Variants in CCDC178 observed in about 807,000 individuals in gnomAD.
CCDC178 encodes coiled-coil domain-containing protein 178.
A neutral mutation model predicts 117.4 loss-of-function variants in CCDC178; 126 were observed. The ratio of observed to expected loss-of-function variants is 1.07; its 90% CI spans 0.93 to 1.24. The LOEUF (loss-of-function observed/expected upper bound fraction) is 1.24. Among genes scored for constraint, CCDC178 ranks in the 50% most tolerant of loss-of-function variants. The probability of loss-of-function intolerance (pLI) is 0.00; values close to 1 mark genes in which losing one functional copy is unlikely to be tolerated. For missense variants in CCDC178, 1,030 were observed against 986.9 expected (o/e 1.04, Z -0.59); for synonymous variants, 283 against 313.4 (o/e 0.90, Z 1.02).
intron 20 of CCDC178, among the ~76,000 whole-genome samples, chr18:33,168,329 G>A (rs2058557670): frequency 6.6e-6 from 1 of 152,026 alleles, no homozygotes; most frequent in Non-Finnish European, 1.5e-5. Context: ...AGCACCATTT[G>A]TTGAATAGAG....
intron 11 of CCDC178, among the ~76,000 whole-genome samples, chr18:33,320,008 T>C (rs966987646): frequency 5.3e-5 from 8 of 152,152 alleles, no homozygotes; most frequent in African/African-American, 1.9e-4. Context: ...ATTATCTCAA[T>C]AGATGCAGAA....
Position 33,397,148 on chromosome 18 carries a change from C to A in CCDC178, c.118+1G>T. On this transcript the variant is annotated splice_donor_variant, in intron 4 of 22. Transcript: ENST00000383096. LOFTEE classifies it high-confidence loss of function. ...AATTATATATAATAGCTGTTGGATA[C>A]CTTCATTTGTCCTTGACCATGCCTT... 3 of 1,583,318 alleles carry A rather than the reference C, an allele frequency of 1.9e-6. No individual in the cohort carries two copies. Among genetic ancestry groups the A allele is most frequent in the Non-Finnish European group, 2.6e-6 (3 of 1,154,684 alleles).
intron 21 of CCDC178, among the ~76,000 whole-genome samples, chr18:33,032,526 T>C (rs1289263575): frequency 1.3e-5 from 2 of 152,112 alleles, no homozygotes; most frequent in African/African-American, 4.8e-5. Flanking sequence ...TTGCATTTTC[T>C]TGTATGTTTG....
At chr18:33,298,895 A>C (rs905066228) in intron 11 of CCDC178, among the ~76,000 whole-genome samples, 2 of 152,128 alleles carry the variant, frequency 1.3e-5, no homozygotes, top group South Asian at 2.1e-4. Context: ...TAGCTACAAA[A>C]AAAACTAGAA....
At chr18:33,320,849 G>T (rs2144999205) in intron 11 of CCDC178, among the ~76,000 whole-genome samples, 1 of 152,274 alleles carries the variant, frequency 6.6e-6, no homozygotes, top group South Asian at 2.1e-4. Context: ...ATACTACAAG[G>T]CTATAGTAAC....
At chr18:33,093,004 A>G (rs1003148449) in intron 20 of CCDC178, 94 bp from the exon 21 acceptor site, 5 of 786,958 alleles carry the variant, frequency 6.4e-6, no homozygotes, top group Non-Finnish European at 9.5e-6. Flanking sequence ...CATCTTTTAA[A>G]TTATCTAAAC....
intron 7 of CCDC178, among the ~76,000 whole-genome samples, chr18:33,351,382 G>A (rs111608496): frequency 0.019 from 2,873 of 152,004 alleles, 92 homozygotes; most frequent in African/African-American, 0.066. Context: ...TAGTAGAGAC[G>A]GGGTTTCACC....
intron 20 of CCDC178, among the ~76,000 whole-genome samples, chr18:33,187,079 G>T (rs907054592): frequency 7.3e-6 from 1 of 137,436 alleles, no homozygotes; most frequent in Admixed American, 7.6e-5. Flanking sequence ...CATCTTACAT[G>T]GCGGCAGGAG....
At chr18:33,104,747 G>A (rs1181454864) in intron 20 of CCDC178, among the ~76,000 whole-genome samples, 1 of 151,762 alleles carries the variant, frequency 6.6e-6, no homozygotes, top group East Asian at 2.0e-4. Context: ...TCATTACATG[G>A]CTGCCTTCTT....
intron 11 of CCDC178, among the ~76,000 whole-genome samples, chr18:33,319,281 A>G (rs7230745): frequency 0.27 from 40,979 of 151,666 alleles, 5,868 homozygotes; most frequent in East Asian, 0.49. Context: ...GATGAGTGAG[A>G]ACATGCGGTG....
intron 20 of CCDC178, among the ~76,000 whole-genome samples, chr18:33,126,136 T>A (rs2058001476): frequency 6.6e-6 from 1 of 152,074 alleles, no homozygotes; most frequent in Admixed American, 6.6e-5. Context: ...AGGAGGCTAG[T>A]TCAAGCAAGT....
At chr18:33,183,357 G>A (rs532821925) in intron 20 of CCDC178, among the ~76,000 whole-genome samples, 11 of 114,244 alleles carry the variant, frequency 9.6e-5, no homozygotes, top group African/African-American at 3.1e-4. Flanking sequence ...CTTGATCACC[G>A]TTTAATGAAA....
intron 14 of CCDC178, among the ~76,000 whole-genome samples, chr18:33,261,587 A>G (rs1168594782): frequency 6.6e-6 from 1 of 152,178 alleles, no homozygotes; most frequent in African/African-American, 2.4e-5. Context: ...TGCTGTTGCT[A>G]TCTACTGATA....
intron 20 of CCDC178, among the ~76,000 whole-genome samples, chr18:33,187,745 T>C (rs2058814116): frequency 6.6e-6 from 1 of 152,140 alleles, no homozygotes; most frequent in Admixed American, 6.6e-5. Flanking sequence ...AAGTATTTTC[T>C]TGAGCAGATA....
intron 2 of CCDC178, among the ~76,000 whole-genome samples, chr18:33,423,727 C>T (rs1205882030): frequency 1.3e-5 from 2 of 151,966 alleles, no homozygotes; most frequent in Non-Finnish European, 2.9e-5. Flanking sequence ...CATGTTTTTT[C>T]TTTGACAAAG....
chr18:32,940,923 G>T (rs2054224844), intron 22 of CCDC178, among the ~76,000 whole-genome samples: 1 of 152,004 alleles, frequency 6.6e-6, no homozygotes, highest in Admixed American at 6.6e-5. Flanking sequence ...ACGTTCTTGA[G>T]GTGCTCTGGG....
intron 4 of CCDC178, among the ~76,000 whole-genome samples, chr18:33,391,182 A>G (rs1271231301): frequency 6.6e-6 from 1 of 151,686 alleles, no homozygotes. Context: ...GAAAAAGAAA[A>G]CTTGATGTGA....
chr18:33,217,471 T>C (rs2059180461), intron 18 of CCDC178, among the ~76,000 whole-genome samples: 1 of 151,974 alleles, frequency 6.6e-6, no homozygotes, highest in South Asian at 2.1e-4. Context: ...ATCACTCCCA[T>C]GGCTGTTAAT....
chr18:33,200,606 C>T (rs1465290874), intron 20 of CCDC178, among the ~76,000 whole-genome samples: 1 of 152,176 alleles, frequency 6.6e-6, no homozygotes, highest in African/African-American at 2.4e-5. Context: ...ATTTTCGACA[C>T]TTGTATGTCT....
Sources: gnomAD v4.1 joint callset for allele counts (sites outside exome capture counted in the v4.1 genomes callset) on GRCh38, gnomAD v4.1.1 for gene constraint, MANE v1.5 for transcripts, NCBI Gene and HGNC (gene_info 2026-07-23, HGNC 2026-07-21) for gene names.